Variants in PRKCQ observed in about 807,000 individuals in gnomAD.
PRKCQ encodes the protein protein kinase C theta type.
PRKCQ carries 41 observed loss-of-function variants against 91.2 expected under a neutral mutation model. The observed-to-expected ratio is 0.45, with a 90% CI of 0.35 to 0.58. PRKCQ has a LOEUF of 0.58. PRKCQ is among the 20% of genes least tolerant of loss of function. The pLI, the probability that PRKCQ is intolerant of heterozygous loss-of-function variation, is 0.00. For synonymous variants in PRKCQ, 307 were observed against 316.9 expected (o/e 0.97, Z 0.33); for missense variants, 673 against 896.5 (o/e 0.75, Z 3.18).
intron 16 of PRKCQ, among the ~76,000 whole-genome samples, chr10:6,438,927 T>C (rs1833828739): frequency 6.6e-6 from 1 of 152,268 alleles, no homozygotes; most frequent in South Asian, 2.1e-4. Context: ...ATTACAGTGA[T>C]GGGTCTCTTT....
At chr10:6,404,936 TC>T in the PRKCQ span, among the ~76,000 whole-genome samples, 23 of 90,936 alleles carry the variant, frequency 2.5e-4, no homozygotes, top group East Asian at 7.5e-4. Flanking sequence ...TCCCTTCCCT[TC>T]CCTTCCTTCC....
At chr10:6,526,123 T>G (rs577328026) in intron 1 of PRKCQ, among the ~76,000 whole-genome samples, 1 of 152,344 alleles carries the variant, frequency 6.6e-6, no homozygotes, top group South Asian at 2.1e-4. Context: ...ATTTTCATTA[T>G]TTGAAATGCT....
chr10:6,449,309 G>A (rs1473598700), intron 15 of PRKCQ, among the ~76,000 whole-genome samples: 13 of 150,500 alleles, frequency 8.6e-5, no homozygotes, highest in South Asian at 2.1e-4. Flanking sequence ...GAGCTGATGC[G>A]ATCAACTGGA....
intron 15 of PRKCQ, 97 bp from the exon 16 acceptor site, chr10:6,442,178 G>GGAT: frequency 8.3e-7 from 1 of 1,198,134 alleles, no homozygotes; most frequent in African/African-American, 1.5e-5. Context: ...AAATGGTCGA[G>GGAT]GATGATGGTG....
intron 2 of PRKCQ, among the ~76,000 whole-genome samples, chr10:6,513,149 C>T (rs534024458): frequency 4.6e-5 from 7 of 152,304 alleles, no homozygotes; most frequent in African/African-American, 1.4e-4. Flanking sequence ...GTTTTAACGA[C>T]TCACAACCCC....
At chr10:6,548,068 T>C (rs1349500755) in intron 1 of PRKCQ, among the ~76,000 whole-genome samples, 3,423 of 148,558 alleles carry the variant, frequency 0.023, 121 homozygotes, top group African/African-American at 0.08. Flanking sequence ...AAAAAGTGGG[T>C]GAAGGATATG....
chr10:6,573,528 T>A (rs1315694003), intron 1 of PRKCQ, among the ~76,000 whole-genome samples: 1 of 152,200 alleles, frequency 6.6e-6, no homozygotes, highest in Non-Finnish European at 1.5e-5. Context: ...ATCATCTACA[T>A]ATAGTGCTTA....
intron 1 of PRKCQ, among the ~76,000 whole-genome samples, chr10:6,519,174 G>C (rs907585144): frequency 6.6e-6 from 1 of 152,170 alleles, no homozygotes. Context: ...GCAGATAGTA[G>C]GGGGAAGGGG....
chr10:6,458,698 G>A (rs1262234690), intron 14 of PRKCQ, among the ~76,000 whole-genome samples: 1 of 152,072 alleles, frequency 6.6e-6, no homozygotes, highest in African/African-American at 2.4e-5. Context: ...CAAGGAACAG[G>A]GACCATGACA....
chr10:6,415,663 T>C, the PRKCQ span, among the ~76,000 whole-genome samples: 1 of 151,794 alleles, frequency 6.6e-6, no homozygotes, highest in African/African-American at 2.4e-5. Context: ...CATATGTTTG[T>C]ACTATTCTGG....
intron 14 of PRKCQ, among the ~76,000 whole-genome samples, chr10:6,458,475 C>G (rs1208217294): frequency 1.3e-5 from 2 of 152,044 alleles, no homozygotes; most frequent in East Asian, 3.9e-4. Flanking sequence ...TCTCTGCAAG[C>G]TTTCATCTGT....
chr10:6,560,555 C>G (rs1267491830), intron 1 of PRKCQ, among the ~76,000 whole-genome samples: 4 of 152,168 alleles, frequency 2.6e-5, no homozygotes, highest in African/African-American at 9.7e-5. Flanking sequence ...GATAGTGTTT[C>G]ACGGATATGC....
At chr10:6,441,703 A>G (rs1833980830) in intron 16 of PRKCQ, among the ~76,000 whole-genome samples, 190 bp downstream of exon 16, 2 of 151,976 alleles carry the variant, frequency 1.3e-5, no homozygotes, top group South Asian at 4.2e-4. Flanking sequence ...TTTCTCTTAC[A>G]CTCATTTTGA....
At chr10:6,575,414 T>C (rs1841191695) in intron 1 of PRKCQ, among the ~76,000 whole-genome samples, 1 of 152,236 alleles carries the variant, frequency 6.6e-6, no homozygotes, top group African/African-American at 2.4e-5. Flanking sequence ...TTAACACTGA[T>C]GCCATGTTCA....
At chr10:6,537,076 G>T (rs1564380460) in intron 1 of PRKCQ, among the ~76,000 whole-genome samples, 1 of 152,214 alleles carries the variant, frequency 6.6e-6, no homozygotes, top group East Asian at 1.9e-4. Context: ...CGCAGTGGGG[G>T]TGTCGGAGTG....
chr10:6,422,911 G>T (rs555554215), downstream of PRKCQ, among the ~76,000 whole-genome samples: 4 of 152,302 alleles, frequency 2.6e-5, no homozygotes, highest in African/African-American at 9.6e-5. Context: ...GGTGGGAGTT[G>T]CTGCCAACCT....
At chr10:6,426,730 G>GTTAT (rs1833133278), downstream of PRKCQ, among the ~76,000 whole-genome samples, 1 of 152,156 alleles carries the variant, frequency 6.6e-6, no homozygotes, top group South Asian at 2.1e-4. Flanking sequence ...AATATCTAAA[G>GTTAT]TTATTTCCAG....
chr10:6,449,108 G>C (rs1407549382), intron 15 of PRKCQ, among the ~76,000 whole-genome samples: 14 of 151,722 alleles, frequency 9.2e-5, no homozygotes, highest in African/African-American at 3.4e-4. Flanking sequence ...GTTGAGAGAA[G>C]AAGGCTTCAG....
In PRKCQ at chr10:6,499,889, A is replaced by G. The variant is rs181993378; in HGVS notation, c.380-1331T>C. 1.8e-3 allele frequency among the ~76,000 whole-genome samples: 276 copies of G among 152,104 alleles called. 2 individuals carry two copies. The highest frequency in any genetic ancestry group is 5.9e-3 in the African/African-American group (243 of 41,464). On this transcript the variant is annotated intron_variant, in intron 4 of 17. Coordinates refer to ENST00000263125, the MANE Select transcript of PRKCQ (RefSeq NM_006257.5). ...CAAAGGAGGAGCTGTGTGGGTAGAA[A>G]CCTCCCCCAGGAATCCAGCCACATC...
Sources: gnomAD v4.1 joint callset for allele counts (sites outside exome capture counted in the v4.1 genomes callset) on GRCh38, gnomAD v4.1.1 for gene constraint, MANE v1.5 for transcripts, NCBI Gene and HGNC (gene_info 2026-07-23, HGNC 2026-07-21) for gene names.